Variants in TCF7L1 observed in about 807,000 individuals in gnomAD.
The protein encoded by TCF7L1 is transcription factor 7-like 1.
Under a neutral mutation model 63.7 loss-of-function variants are expected in TCF7L1, and 18 were observed. The observed-to-expected ratio is 0.28, with a 90% CI of 0.20 to 0.42. The LOEUF is 0.42. TCF7L1 is among the 10% of genes least tolerant of loss of function. The pLI, the probability that TCF7L1 is intolerant of heterozygous loss-of-function variation, is 1.00. For synonymous variants in TCF7L1, 355 were observed against 340.9 expected (o/e 1.04, Z -0.46); for missense variants, 654 against 779.3 (o/e 0.84, Z 1.91).
At chr2:85,288,067 C>T (rs1183510625) in intron 4 of TCF7L1, among the ~76,000 whole-genome samples, 1 of 152,130 alleles carries the variant, frequency 6.6e-6, no homozygotes, top group Non-Finnish European at 1.5e-5. Context: ...CTACTCCCAG[C>T]GTCACCACCA....
At chr2:85,304,511 A>G (rs1682058979) in intron 7 of TCF7L1, 173 bp downstream of exon 7, 4 of 629,490 alleles carry the variant, frequency 6.4e-6, no homozygotes, top group South Asian at 3.9e-5. Flanking sequence ...CCAGGTCAGA[A>G]TGGAGACCAC....
intron 3 of TCF7L1, among the ~76,000 whole-genome samples, chr2:85,137,211 AC>A (rs1677616378): frequency 6.6e-6 from 1 of 152,144 alleles, no homozygotes; most frequent in African/African-American, 2.4e-5. Flanking sequence ...GTGTTAATGA[AC>A]CCTAGGAATA....
intron 3 of TCF7L1, among the ~76,000 whole-genome samples, chr2:85,142,419 A>C (rs1431393280): frequency 1.9e-5 from 2 of 102,918 alleles, no homozygotes; most frequent in African/African-American, 4.7e-5. Flanking sequence ...CCCTGTTTCC[A>C]AAAAAAAAAA....
At chr2:85,290,586 T>C (rs945120356) in intron 4 of TCF7L1, among the ~76,000 whole-genome samples, 5 of 152,188 alleles carry the variant, frequency 3.3e-5, no homozygotes, top group Non-Finnish European at 5.9e-5. Context: ...AATCAAGATA[T>C]AGAACAGTTC....
intron 4 of TCF7L1, among the ~76,000 whole-genome samples, chr2:85,289,955 C>A (rs562683315): frequency 7.2e-6 from 1 of 138,636 alleles, no homozygotes; most frequent in East Asian, 2.2e-4. Context: ...ATTACAGGCA[C>A]GAGCCACCAC....
intron 3 of TCF7L1, among the ~76,000 whole-genome samples, chr2:85,141,227 A>G (rs1253084182): frequency 3.9e-5 from 6 of 152,156 alleles, no homozygotes; most frequent in African/African-American, 1.4e-4. Context: ...AGACAGTGAG[A>G]CCCTGTCTCT....
chr2:85,299,270 C>T (rs1235691710), intron 4 of TCF7L1, among the ~76,000 whole-genome samples: 3 of 152,052 alleles, frequency 2.0e-5, no homozygotes, highest in East Asian at 3.9e-4. Context: ...GATGCAGAGG[C>T]TGGGCGTGGT....
intron 3 of TCF7L1, among the ~76,000 whole-genome samples, chr2:85,211,145 G>A (rs1448846984): frequency 1.3e-5 from 2 of 152,234 alleles, no homozygotes; most frequent in African/African-American, 2.4e-5. Context: ...TAGGTATCCA[G>A]GGATCCAATT....
Position 85,142,165 on chromosome 2 carries a change from G to T in TCF7L1, c.441+7715G>T, listed in dbSNP as rs890953902. 2.6e-5 allele frequency among the ~76,000 whole-genome samples: 4 copies of T among 152,178 alleles called. No homozygotes were observed. The South Asian group carries it at 8.3e-4, about 32-fold the overall frequency. ...TTTGTGTCCTGGTGTGGTGGCTCAT[G>T]CCTGTAATCCCAACACTTTGGGAGG... On this transcript the variant is annotated intron_variant, in intron 3 of 11. Coordinates refer to ENST00000282111, the MANE Select transcript of TCF7L1 (RefSeq NM_031283.3).
intron 4 of TCF7L1, among the ~76,000 whole-genome samples, chr2:85,298,603 T>C (rs1283442653): frequency 2.0e-5 from 3 of 151,950 alleles, no homozygotes; most frequent in Admixed American, 6.6e-5. Flanking sequence ...GGGAAACACC[T>C]GAGCTAGAAA....
At chr2:85,301,190 G>A (rs1681963866) in intron 4 of TCF7L1, among the ~76,000 whole-genome samples, 1 of 152,216 alleles carries the variant, frequency 6.6e-6, no homozygotes. Context: ...TACGTTTTGA[G>A]AAGGTTCTGG....
intron 4 of TCF7L1, among the ~76,000 whole-genome samples, chr2:85,300,829 G>A (rs1437019756): frequency 6.6e-6 from 1 of 151,396 alleles, no homozygotes; most frequent in Non-Finnish European, 1.5e-5. Context: ...ACCCAGGCTG[G>A]AGTGCAGTGG....
chr2:85,179,291 A>G lies in TCF7L1; in HGVS notation c.441+44841A>G, dbSNP rs566930253. ...CTTGTTTCCCTTGGAATGAAACACA[A>G]CCTGAGTCCTGGAGGAATAGTTCTC... On this transcript the variant is annotated intron_variant, in intron 3 of 11. Coordinates refer to ENST00000282111, the MANE Select transcript of TCF7L1 (RefSeq NM_031283.3). 3.3e-5 allele frequency among the ~76,000 whole-genome samples: 5 copies of G among 152,234 alleles called. No individual in the cohort carries two copies. In the South Asian group the frequency reaches 8.3e-4, roughly 25 times the overall value.
chr2:85,140,812 G>A (rs1392775198), intron 3 of TCF7L1, among the ~76,000 whole-genome samples: 1 of 152,130 alleles, frequency 6.6e-6, no homozygotes, highest in Admixed American at 6.5e-5. Context: ...AGTGAGCTGA[G>A]ATCGCACCAT....
chr2:85,246,962 T>G (rs1680481158), intron 3 of TCF7L1, among the ~76,000 whole-genome samples: 1 of 152,182 alleles, frequency 6.6e-6, no homozygotes, highest in Non-Finnish European at 1.5e-5. Flanking sequence ...TTCAGTGAGG[T>G]ACATTCCACT....
intron 3 of TCF7L1, among the ~76,000 whole-genome samples, chr2:85,276,150 A>G (rs890983511): frequency 7.2e-5 from 11 of 152,230 alleles, no homozygotes; most frequent in Admixed American, 6.5e-4. Flanking sequence ...GTTTTCTCTT[A>G]CCGACTGCTG....
At chr2:85,301,561 C>T (rs766698133) in intron 4 of TCF7L1, among the ~76,000 whole-genome samples, 1 of 151,308 alleles carries the variant, frequency 6.6e-6, no homozygotes, top group African/African-American at 2.4e-5. Flanking sequence ...GTGTCTGTGG[C>T]GTGCCAGCGT....
chr2:85,158,010 A>G lies in TCF7L1; in HGVS notation c.441+23560A>G, dbSNP rs1209226529. Reference sequence around the variant, plus strand: ...AGAGAGCCTGGGAACTCAGAATGCTACATGGCGGACAGAGGAAAGCAGGCA... The same window carrying G: ...AGAGAGCCTGGGAACTCAGAATGCTGCATGGCGGACAGAGGAAAGCAGGCA... On this transcript the variant is annotated intron_variant, in intron 3 of 11. Coordinates refer to ENST00000282111, the MANE Select transcript of TCF7L1 (RefSeq NM_031283.3). Among the ~76,000 whole-genome samples the G allele has an allele frequency of 3.9e-5, 6 of 152,230 alleles. No individual in the cohort carries two copies. The East Asian group carries it at 1.2e-3, about 29-fold the overall frequency.
At chr2:85,186,902 C>G (rs1335611422) in intron 3 of TCF7L1, 3 of 152,228 alleles carry the variant, frequency 2.0e-5, no homozygotes, top group Non-Finnish European at 4.4e-5. Context: ...TAAACAACAA[C>G]GAACTGCCAC....
Sources: allele counts gnomAD v4.1 joint callset (sites outside exome capture counted in the v4.1 genomes callset), GRCh38; gene constraint gnomAD v4.1.1; transcripts MANE v1.5; gene names NCBI Gene and HGNC (gene_info 2026-07-23, HGNC 2026-07-21).